Variants in KMT2E observed in about 807,000 individuals in gnomAD.
The protein encoded by KMT2E is histone reader KMT2E.
KMT2E carries 30 observed loss-of-function variants against 184.6 expected under a neutral mutation model. The ratio of observed to expected loss-of-function variants is 0.16; its 90% CI spans 0.12 to 0.22. The LOEUF is 0.22. KMT2E is among the 10% of genes least tolerant of loss of function. The pLI is 1.00. For synonymous variants in KMT2E, 815 were observed against 776.5 expected, an observed-to-expected ratio of 1.05 and a Z score of -0.82; for missense variants, 2,023 against 2,237.4, an observed-to-expected ratio of 0.90 and a Z score of 1.93.
intron 6 of KMT2E, among the ~76,000 whole-genome samples, chr7:105,071,900 T>G (rs1166823027): frequency 6.6e-6 from 1 of 152,082 alleles, no homozygotes; most frequent in Non-Finnish European, 1.5e-5. Flanking sequence ...TGCATTTCTC[T>G]TACTTTGAGT....
rs1797456618 is a variant in KMT2E, at chr7:105,074,719, A to G, written c.633A>G (p.Thr211=). 2 of 1,611,690 alleles carry G rather than the reference A, an allele frequency of 1.2e-6. No individual in the cohort carries two copies. The highest frequency in any genetic ancestry group is 1.7e-6 in the Non-Finnish European group (2 of 1,178,974). The change falls in exon 8 of 27, where the codon ACA becomes ACG. Residue 211 remains threonine, a synonymous_variant. Coordinates refer to ENST00000311117, the MANE Select transcript of KMT2E (RefSeq NM_182931.3). ...ELYTAFQHTP[T]SITLTASRVS... ...ATACTGCATTTCAGCATACTCCAAC[A>G]TCAATTACTTTAACTGCTTCAAGAG...
intron 3 of KMT2E, among the ~76,000 whole-genome samples, chr7:105,046,198 A>G (rs955942664): frequency 2.6e-5 from 4 of 152,154 alleles, no homozygotes; most frequent in African/African-American, 4.8e-5. Context: ...AATTCACACC[A>G]AAAAAGCCGT....
rs1799500077 is a variant in KMT2E at position 105,114,350 on chromosome 7, T to A, written c.*1017T>A. On this transcript the variant is annotated 3_prime_UTR_variant, in exon 27 of 27. Transcript: ENST00000311117. ...CCAGACCACTAATGCATTACAGTAGTTCTTGAATACAAGGTACAACAACTG... is the reference window on the plus strand; with the variant it reads ...CCAGACCACTAATGCATTACAGTAGATCTTGAATACAAGGTACAACAACTG... 1 of 152,198 alleles carries A rather than the reference T, an allele frequency of 6.6e-6. No individual in the cohort carries two copies. The highest frequency in any genetic ancestry group is 1.5e-5 in the Non-Finnish European group (1 of 68,042). 9.4% of individuals were successfully genotyped at this position (152,198 alleles called of 1,614,324 possible). A position where few individuals can be genotyped will look rare whatever the true frequency, so the allele number is the denominator to read the frequency against.
chr7:105,108,704 A>C (rs1799016505), intron 22 of KMT2E: 1 of 490,944 alleles, frequency 2.0e-6, no homozygotes, highest in Non-Finnish European at 3.7e-6. Flanking sequence ...GGGGATGATA[A>C]TATACCTATT....
chr7:105,024,706 A>T lies in KMT2E; in HGVS notation c.-189+10171A>T, dbSNP rs1206467881. On this transcript the variant is annotated intron_variant, in intron 1 of 26. Transcript: ENST00000311117. ...GTTTAAATGATTTTCCCAAGGTCGT[A>T]AAGTTACATAGTGGTTAATCAAGGT... Among the ~76,000 whole-genome samples the T allele has an allele frequency of 2.0e-5, 3 of 152,334 alleles. No homozygotes were observed. In the East Asian group the frequency reaches 5.8e-4, roughly 29 times the overall value.
At chr7:105,084,699 T>C (rs1584775602) in intron 13 of KMT2E, among the ~76,000 whole-genome samples, 1 of 152,226 alleles carries the variant, frequency 6.6e-6, no homozygotes, top group African/African-American at 2.4e-5. Flanking sequence ...GAGATCACTT[T>C]TTATTGCCAT....
chr7:105,053,734 C>T (rs2129566398), intron 3 of KMT2E, among the ~76,000 whole-genome samples: 1 of 152,180 alleles, frequency 6.6e-6, no homozygotes, highest in East Asian at 1.9e-4. Context: ...TAAAAATTAG[C>T]CAGGCATAGT....
chr7:105,017,341 C>T (rs1180974988), intron 1 of KMT2E, among the ~76,000 whole-genome samples: 1 of 151,818 alleles, frequency 6.6e-6, no homozygotes, highest in East Asian at 1.9e-4. Context: ...AAGCTGTCTT[C>T]AGTTTACTAG....
At chr7:105,087,782 A>G (rs1272455989) in intron 13 of KMT2E, among the ~76,000 whole-genome samples, 1 of 146,312 alleles carries the variant, frequency 6.8e-6, no homozygotes, top group African/African-American at 2.5e-5. Context: ...TTGCCTGATC[A>G]TATCATCTGT....
At position 105,105,856 on chromosome 7, in the gene KMT2E, C is replaced by A; in HGVS notation, c.2452-3C>A. 1 of 1,609,820 alleles carries A rather than the reference C, an allele frequency of 6.2e-7. No homozygotes were observed. The highest frequency in any genetic ancestry group is 8.5e-7 in the Non-Finnish European group (1 of 1,178,674). On this transcript the variant is annotated splice_polypyrimidine_tract_variant and splice_region_variant and intron_variant, in intron 18 of 26. Transcript: ENST00000311117. ...GTTCATTCATGTATTCTGTTTTATT[C>A]AGCGATGGTTGAAACAAGCTCTGGA...
intron 13 of KMT2E, among the ~76,000 whole-genome samples, chr7:105,087,512 C>T (rs1798034334): frequency 6.6e-6 from 1 of 151,290 alleles, no homozygotes; most frequent in Admixed American, 6.6e-5. Context: ...CAACCTCCGC[C>T]TCCTGTGTTC....
chr7:105,087,296 A>G (rs967581768), intron 13 of KMT2E, among the ~76,000 whole-genome samples: 2 of 147,588 alleles, frequency 1.4e-5, no homozygotes, highest in African/African-American at 2.5e-5. Flanking sequence ...TATAATATAT[A>G]TAATATATAA....
intron 15 of KMT2E, among the ~76,000 whole-genome samples, chr7:105,100,664 G>C (rs1798615676): frequency 6.6e-6 from 1 of 152,210 alleles, no homozygotes; most frequent in African/African-American, 2.4e-5. Flanking sequence ...AGGAAGAGCA[G>C]AAGGTAGAGG....
intron 3 of KMT2E, among the ~76,000 whole-genome samples, chr7:105,057,512 A>G (rs1796615141): frequency 6.6e-6 from 1 of 152,010 alleles, no homozygotes; most frequent in Non-Finnish European, 1.5e-5. Context: ...TGACATGATC[A>G]TAGCTCACTG....
At chr7:105,071,288 T>C (rs894319913) in intron 6 of KMT2E, among the ~76,000 whole-genome samples, 1 of 152,080 alleles carries the variant, frequency 6.6e-6, no homozygotes, top group Non-Finnish European at 1.5e-5. Flanking sequence ...TTCAGTATAG[T>C]GATAAATGTA....
chr7:105,075,669 A>G (rs991853598), intron 8 of KMT2E, among the ~76,000 whole-genome samples: 3 of 151,694 alleles, frequency 2.0e-5, no homozygotes, highest in Non-Finnish European at 2.9e-5. Flanking sequence ...TATATTCTAT[A>G]TAGTCTATAT....
chr7:105,084,083 G>T (rs927965040), intron 13 of KMT2E, among the ~76,000 whole-genome samples: 3 of 152,166 alleles, frequency 2.0e-5, no homozygotes, highest in Non-Finnish European at 4.4e-5. Context: ...AAAGTGCATG[G>T]TTTTCACATT....
chr7:105,104,617 C>G (rs1003275370), intron 17 of KMT2E: 2 of 152,388 alleles, frequency 1.3e-5, no homozygotes, highest in African/African-American at 4.8e-5. Context: ...ATGACTTGAG[C>G]CCAGGAGGTC....
chr7:105,032,837 ATAAGCTT>A (rs1159962428), intron 1 of KMT2E, among the ~76,000 whole-genome samples: 1 of 152,248 alleles, frequency 6.6e-6, no homozygotes, highest in African/African-American at 2.4e-5. Context: ...ATTAATTACA[ATAAGCTT>A]TAACACTATT....
Sources: allele counts gnomAD v4.1 joint callset (sites outside exome capture counted in the v4.1 genomes callset), GRCh38; gene constraint gnomAD v4.1.1; transcripts MANE v1.5; gene names NCBI Gene and HGNC (gene_info 2026-07-23, HGNC 2026-07-21).